The following SLC35F4 variants were observed in gnomAD, a reference collection of about 807,000 sequenced individuals.
SLC35F4 encodes solute carrier family 35 member F4.
A neutral mutation model predicts 44.2 loss-of-function variants in SLC35F4; 24 were observed. The observed-to-expected ratio is 0.54, with a 90% CI of 0.39 to 0.76. The LOEUF (loss-of-function observed/expected upper bound fraction) is 0.76. Among genes scored for constraint, SLC35F4 ranks in the 30% least tolerant of loss-of-function variants. The probability of loss-of-function intolerance (pLI) is 0.00; values close to 1 mark genes in which losing one functional copy is unlikely to be tolerated. For synonymous variants in SLC35F4, 238 were observed against 223.6 expected (o/e 1.06, Z -0.57); for missense variants, 562 against 586.1 (o/e 0.96, Z 0.42).
intron 1 of SLC35F4, among the ~76,000 whole-genome samples, chr14:57,608,107 T>A (rs1295132386): frequency 2.0e-5 from 3 of 152,056 alleles, no homozygotes; most frequent in Non-Finnish European, 4.4e-5. Flanking sequence ...GATCTAGAGT[T>A]CAGAAGACAG....
intron 1 of SLC35F4, among the ~76,000 whole-genome samples, chr14:57,666,630 A>C (rs2074317852): frequency 6.6e-6 from 1 of 152,114 alleles, no homozygotes; most frequent in Non-Finnish European, 1.5e-5. Context: ...TTAAGCCACT[A>C]GGTTTGTGAT....
In SLC35F4 at chr14:57,950,679, T is replaced by C. The variant is rs866911300; in HGVS notation, n.282+31234A>G. 8.8e-5 allele frequency among the ~76,000 whole-genome samples: 13 copies of C among 147,508 alleles called. 1 individual carries two copies. Among genetic ancestry groups the C allele is most frequent in the Admixed American group, 1.3e-4 (2 of 14,928 alleles). On this transcript the variant is annotated intron_variant and non_coding_transcript_variant, in intron 1 of 1. Transcript: ENST00000556568. ...CTTTGTTTCTTTTCTTTCTTTCTTT[T>C]TTTTTTTTGAGACAGAGTCTTACTG...
At chr14:57,610,126 C>T (rs1298739750) in intron 1 of SLC35F4, among the ~76,000 whole-genome samples, 2 of 152,186 alleles carry the variant, frequency 1.3e-5, no homozygotes, top group Non-Finnish European at 2.9e-5. Context: ...ATTGAGGAGT[C>T]TCTATGTTCC....
intron 1 of SLC35F4, among the ~76,000 whole-genome samples, chr14:57,639,111 G>C (rs1463992736): frequency 6.6e-6 from 1 of 152,060 alleles, no homozygotes; most frequent in Non-Finnish European, 1.5e-5. Context: ...AGAGGCTGAT[G>C]AACTTTGACC....
intron 1 of SLC35F4, among the ~76,000 whole-genome samples, chr14:57,735,136 C>A (rs191106197): frequency 6.6e-6 from 1 of 152,172 alleles, no homozygotes; most frequent in Non-Finnish European, 1.5e-5. Flanking sequence ...GATTTTCCCA[C>A]TTATGATACT....
At chr14:57,584,368 G>C (rs1014666368) in intron 3 of SLC35F4, among the ~76,000 whole-genome samples, 11 of 152,146 alleles carry the variant, frequency 7.2e-5, no homozygotes, top group African/African-American at 2.4e-4. Flanking sequence ...GGTGCTATGG[G>C]ACAAATTCTA....
upstream of SLC35F4, among the ~76,000 whole-genome samples, chr14:57,866,957 A>AAATAATAATAATAATAAT (rs4035380): frequency 2.2e-4 from 30 of 136,054 alleles, no homozygotes; most frequent in East Asian, 4.2e-4. Context: ...AGCTTCCTGC[A>AAATAATAATAATAATAAT]AATAATAATA....
chr14:57,722,334 T>C (rs2076105157), intron 1 of SLC35F4, among the ~76,000 whole-genome samples: 1 of 152,150 alleles, frequency 6.6e-6, no homozygotes, highest in Non-Finnish European at 1.5e-5. Context: ...TGGTTTAATG[T>C]ACAGGAAAAG....
At chr14:57,845,389 G>A (rs1027915063) in intron 1 of SLC35F4, among the ~76,000 whole-genome samples, 10 of 152,182 alleles carry the variant, frequency 6.6e-5, no homozygotes, top group African/African-American at 1.4e-4. Context: ...TAATGAAATC[G>A]TATATGCTAT....
Position 57,762,799 on chromosome 14 carries a change from C to T in SLC35F4, c.103+102924G>A, listed in dbSNP as rs140108728. Among the ~76,000 whole-genome samples the T allele has an allele frequency of 3.2e-3, 494 of 152,250 alleles. 2 individuals are homozygous for T. The highest frequency in any genetic ancestry group is 0.011 in the African/African-American group (467 of 41,550). On this transcript the variant is annotated intron_variant, in intron 1 of 7. Transcript: ENST00000556826. ...TATTATGATGCAGCGAGAAAGCCCT[C>T]ACCAGATGCAGCCCCTTGACCTTGC...
intron 1 of SLC35F4, among the ~76,000 whole-genome samples, chr14:57,811,473 A>T (rs1306123208): frequency 6.6e-6 from 1 of 152,054 alleles, no homozygotes; most frequent in African/African-American, 2.4e-5. Context: ...TCCCCTTTCC[A>T]CCTTCAAAGG....
chr14:57,707,531 G>A (rs186456766), intron 1 of SLC35F4, among the ~76,000 whole-genome samples: 96 of 152,222 alleles, frequency 6.3e-4, no homozygotes, highest in African/African-American at 8.9e-4. Flanking sequence ...CTTCCCAGCC[G>A]TGAAGAACTA....
intron 1 of SLC35F4, among the ~76,000 whole-genome samples, chr14:57,936,684 A>G (rs187117834): frequency 2.4e-4 from 36 of 151,760 alleles, no homozygotes; most frequent in East Asian, 3.9e-4. Context: ...CAAAATGTCA[A>G]TGCTTCCTTG....
In SLC35F4 at chr14:57,794,604, T is replaced by G. The variant is rs1390010414; in HGVS notation, c.103+71119A>C. On this transcript the variant is annotated intron_variant, in intron 1 of 7. Coordinates refer to ENST00000556826, the MANE Select transcript of SLC35F4 (RefSeq NM_001306087.2). ...TGTTCTTTTTCTACTTTCTCTTTTA[T>G]AGTAGCCTTGACTACTGAATGGGTC... Among the ~76,000 whole-genome samples the G allele has an allele frequency of 2.6e-5, 4 of 152,110 alleles. No individual in the cohort carries two copies. The East Asian group carries it at 5.8e-4, about 22-fold the overall frequency.
Position 57,873,212 on chromosome 14 carries a change from C to T in SLC35F4, n.282+108701G>A, listed in dbSNP as rs575499144. Among the ~76,000 whole-genome samples the T allele has an allele frequency of 2.6e-5, 4 of 152,218 alleles. 1 individual carries two copies. Among genetic ancestry groups the T allele is most frequent in the African/African-American group, 7.2e-5 (3 of 41,526 alleles). On this transcript the variant is annotated intron_variant and non_coding_transcript_variant, in intron 1 of 1. Transcript: ENST00000556568. The stretch of plus-strand genomic sequence containing the variant: ...CCCTGGCTACCCCATAGCATTATCC[C>T]ACGAAGGGTCAATTGCATTATAGTC...
chr14:57,975,748 G>A (rs1447320625), downstream of SLC35F4, among the ~76,000 whole-genome samples: 1 of 152,206 alleles, frequency 6.6e-6, no homozygotes, highest in Non-Finnish European at 1.5e-5. Context: ...GAAAAGCTTG[G>A]TTAGATGTCT....
chr14:57,618,258 T>C (rs542297101), intron 1 of SLC35F4, among the ~76,000 whole-genome samples: 104 of 152,262 alleles, frequency 6.8e-4, no homozygotes, highest in African/African-American at 2.3e-3. Context: ...GATGGCCAAA[T>C]AGGAATAGCA....
Position 57,712,056 on chromosome 14 carries a change from T to C in SLC35F4, c.104-117932A>G, listed in dbSNP as rs2075830046. Among the ~76,000 whole-genome samples the C allele has an allele frequency of 3.9e-5, 6 of 152,214 alleles. No individual in the cohort carries two copies. In the South Asian group the frequency reaches 1.0e-3, roughly 26 times the overall value. On this transcript the variant is annotated intron_variant, in intron 1 of 7. Coordinates refer to ENST00000556826, the MANE Select transcript of SLC35F4 (RefSeq NM_001306087.2). Reference sequence around the variant, plus strand: ...CATATGGAGGTTTCATCCTAGATCTTGGATTATTGTCAATTGTCTCTACTA... The same window carrying C: ...CATATGGAGGTTTCATCCTAGATCTCGGATTATTGTCAATTGTCTCTACTA...
chr14:57,626,866 ACTG>A, intron 1 of SLC35F4, among the ~76,000 whole-genome samples: 1 of 72,582 alleles, frequency 1.4e-5, no homozygotes, highest in East Asian at 2.2e-4. Context: ...AATGGTAATG[ACTG>A]ATAGAGTGGT....
Sources: allele counts gnomAD v4.1 joint callset (sites outside exome capture counted in the v4.1 genomes callset), GRCh38; gene constraint gnomAD v4.1.1; transcripts MANE v1.5; gene names NCBI Gene and HGNC (gene_info 2026-07-23, HGNC 2026-07-21).